Variants in PHF3 observed in about 807,000 individuals in gnomAD.
The protein encoded by PHF3 is PHD finger protein 3.
In PHF3, 41 loss-of-function variants were observed where a neutral mutation model predicts 178.4. That is an observed-to-expected ratio of 0.23 (90% CI 0.18 to 0.30). The LOEUF (loss-of-function observed/expected upper bound fraction) is 0.30, where lower values mean the gene tolerates loss of function less well. PHF3 is among the 10% of genes least tolerant of loss of function. PHF3 has a pLI of 1.00. For missense variants in PHF3, 2,346 were observed against 2,398.1 expected (o/e 0.98, Z 0.45); for synonymous variants, 842 against 800.5 (o/e 1.05, Z -0.88).
rs1217700033 is a variant in PHF3 at position 63,716,903 on chromosome 6, C to T, written c.*3195C>T. ...TATTTTCAGGTCAGCTGATGAGCAA[C>T]TTAAATTCCATCTGTGACCTTAATT... On this transcript the variant is annotated 3_prime_UTR_variant, in exon 16 of 16. Coordinates refer to ENST00000262043, the MANE Select transcript of PHF3 (RefSeq NM_001370348.2). Among the ~76,000 whole-genome samples, 2 of 152,030 alleles carry T rather than the reference C, an allele frequency of 1.3e-5. No individual in the cohort carries two copies. The highest frequency in any genetic ancestry group is 2.4e-5 in the African/African-American group (1 of 41,444).
At chr6:63,710,612 C>T (rs1437771662) in intron 14 of PHF3, among the ~76,000 whole-genome samples, 2 of 152,150 alleles carry the variant, frequency 1.3e-5, no homozygotes, top group African/African-American at 2.4e-5. Flanking sequence ...AGCCAAATTA[C>T]TTTACAAAAT....
Position 63,684,447 on chromosome 6 carries a change from A to G in PHF3, c.725A>G (p.Asn242Ser), listed in dbSNP as rs571309355. The G allele has an allele frequency of 1.5e-5, 24 of 1,613,998 alleles. No individual in the cohort carries two copies. In the African/African-American group the frequency reaches 3.2e-4, roughly 22 times the overall value. Residue 242 changes from asparagine (N) to serine (S), a missense_variant, in exon 4 of 16, where the codon AAT becomes AGT. This residue lies in a region of PHF3 where 843 missense variants were observed against 795.2 expected (regional missense o/e 1.06). Coordinates refer to ENST00000262043, the MANE Select transcript of PHF3 (RefSeq NM_001370348.2). ...DGLDSKHKCN[N>S]PGEIDVPSHE... ...TTAGATTCTAAGCATAAGTGTAATA[A>G]TCCGGGAGAAATAGATGTGCCATCT...
intron 2 of PHF3, among the ~76,000 whole-genome samples, chr6:63,662,849 A>G (rs1220866533): frequency 6.6e-6 from 1 of 152,204 alleles, no homozygotes; most frequent in Non-Finnish European, 1.5e-5. Context: ...AGCATAATTG[A>G]TGTCATTTCT....
intron 11 of PHF3, among the ~76,000 whole-genome samples, chr6:63,705,416 T>C (rs1767647796): frequency 6.6e-6 from 1 of 152,230 alleles, no homozygotes; most frequent in South Asian, 2.1e-4. Context: ...TGGACGATAC[T>C]GCCTGAGCTC....
At chr6:63,653,617 G>T (rs759943742) in intron 2 of PHF3, among the ~76,000 whole-genome samples, 3 of 151,994 alleles carry the variant, frequency 2.0e-5, no homozygotes, top group Non-Finnish European at 4.4e-5. Flanking sequence ...TTCCAATTTG[G>T]ATGTCCTTTA....
rs1274884825 is a variant in PHF3, at chr6:63,721,705, C to CT, written c.*8002dup. ...TGCCAAGTACTTCCGTTTATAGTTA[C>CT]TTTTTGGAGAGTTTCTAGAATGATA... On this transcript the variant is annotated 3_prime_UTR_variant, in exon 16 of 16. Coordinates refer to ENST00000262043, the MANE Select transcript of PHF3 (RefSeq NM_001370348.2). 1 of 1,551,264 alleles carries CT rather than the reference C, an allele frequency of 6.4e-7. No homozygotes were observed. Among genetic ancestry groups the CT allele is most frequent in the Non-Finnish European group, 8.7e-7 (1 of 1,146,730 alleles).
At chr6:63,702,946 C>T (rs145286290) in intron 10 of PHF3, among the ~76,000 whole-genome samples, 1,810 of 152,190 alleles carry the variant, frequency 0.012, 30 homozygotes, top group African/African-American at 0.042. Context: ...GGAGCAATCT[C>T]GGCTCACTGC....
intron 6 of PHF3, among the ~76,000 whole-genome samples, chr6:63,696,880 G>T (rs542786034): frequency 2.2e-4 from 34 of 152,306 alleles, no homozygotes; most frequent in African/African-American, 7.9e-4. Flanking sequence ...ACCAGTTGTA[G>T]TGGCTTATGA....
In PHF3 at chr6:63,693,665, C is replaced by T. The variant is rs543256348; in HGVS notation, c.2497-916C>T. On this transcript the variant is annotated intron_variant, in intron 5 of 15. Transcript: ENST00000262043. ...TTAACAATTTTAACATTTTGAGAACCTCTTTATCCAGTCTGTATCAGAAAA... is the reference window on the plus strand; with the variant it reads ...TTAACAATTTTAACATTTTGAGAACTTCTTTATCCAGTCTGTATCAGAAAA... Among the ~76,000 whole-genome samples, 23 of 152,256 alleles carry T rather than the reference C, an allele frequency of 1.5e-4. No individual in the cohort carries two copies. In the South Asian group the frequency reaches 4.6e-3, roughly 30 times the overall value.
intron 2 of PHF3, among the ~76,000 whole-genome samples, chr6:63,654,245 C>T (rs184211805): frequency 1.7e-3 from 263 of 152,176 alleles, no homozygotes; most frequent in Non-Finnish European, 3.1e-3. Flanking sequence ...GGGTCCTGGG[C>T]TTTTCTTTGA....
At position 63,707,231 on chromosome 6, in the gene PHF3, T is replaced by G. The variant is rs566178482; in HGVS notation, c.3711+355T>G. ...GTCTTTAATGTTAACACATTAAGAA[T>G]TTTTTGTTAAACAGATCTTCTGATT... On this transcript the variant is annotated intron_variant, in intron 13 of 15. Transcript: ENST00000262043. Among the ~76,000 whole-genome samples, 3 of 152,324 alleles carry G rather than the reference T, an allele frequency of 2.0e-5. No individual in the cohort carries two copies. The East Asian group carries it at 5.8e-4, about 29-fold the overall frequency.
chr6:63,694,608 G>A lies in PHF3; in HGVS notation c.2524G>A (p.Asp842Asn). The change falls in exon 6 of 16, where the codon GAC becomes AAC. Residue 842 changes from aspartate to asparagine, a missense_variant. By Grantham distance (23) the Asp-to-Asn change is conservative (BLOSUM62 1). Transcript: ENST00000262043. ...GTCTGGTGAAGGCAGAAATTCATCA[G>A]ACTGTAGAGATAATGAAATTAAAAA... Reference protein sequence around the residue: ...RESGEGRNSSDCRDNEIKKWQ... With the variant: ...RESGEGRNSSNCRDNEIKKWQ... The A allele has an allele frequency of 6.4e-7, 1 of 1,559,720 alleles. No homozygotes were observed. The highest frequency in any genetic ancestry group is 8.7e-7 in the Non-Finnish European group (1 of 1,151,876).
At chr6:63,671,809 C>T (rs184653873) in intron 2 of PHF3, among the ~76,000 whole-genome samples, 29 of 152,240 alleles carry the variant, frequency 1.9e-4, no homozygotes, top group Admixed American at 1.6e-3. Flanking sequence ...TGCAGTGGTG[C>T]GATCTCGGCT....
In PHF3 at chr6:63,713,652, A is replaced by C; in HGVS notation, c.6064A>C (p.Arg2022=). ...KSKHREGEKD[R]DRYHKDRDHT... ...TAAACACAGAGAAGGAGAAAAGGAC[A>C]GGGATAGGTACCACAAAGATAGGGA... Residue 2022 remains arginine, a synonymous_variant, in exon 16 of 16, where the codon AGG becomes CGG. Transcript: ENST00000262043. 1 of 1,607,146 alleles carries C rather than the reference A, an allele frequency of 6.2e-7. No homozygotes were observed.
At position 63,698,556 on chromosome 6, in the gene PHF3, A is replaced by G; in HGVS notation, c.2933A>G (p.Lys978Arg). ...TTTCGGGACACAGATGCTAAATATA[A>G]GAACAAATATAGAAGTTTGATGTTT... is the stretch of plus-strand genomic sequence containing the variant. ...SFFRDTDAKYKNKYRSLMFNL... is the reference protein window; with the variant it reads ...SFFRDTDAKYRNKYRSLMFNL... The change falls in exon 8 of 16, where the codon AAG becomes AGG. Residue 978 changes from lysine (K) to arginine (R), a missense_variant. This residue lies in a region of PHF3 where 45 missense variants were observed against 87.9 expected (regional missense o/e 0.51). Transcript: ENST00000262043. The G allele has an allele frequency of 6.3e-7, 1 of 1,591,940 alleles. No homozygotes were observed. The highest frequency in any genetic ancestry group is 8.5e-7 in the Non-Finnish European group (1 of 1,172,342).
In PHF3 at chr6:63,722,639, T is replaced by C. The variant is rs1195053412; in HGVS notation, c.*8931T>C. Among the ~76,000 whole-genome samples, 1 of 152,134 alleles carries C rather than the reference T, an allele frequency of 6.6e-6. No homozygotes were observed. The highest frequency in any genetic ancestry group is 2.4e-5 in the African/African-American group (1 of 41,432). ...TTATTAATAATGAACCACGCAGAAG[T>C]CTCCACGAAACATTTTCTTCTCCCT... On this transcript the variant is annotated 3_prime_UTR_variant, in exon 16 of 16. Transcript: ENST00000262043.
intron 5 of PHF3, among the ~76,000 whole-genome samples, chr6:63,692,331 T>C (rs1299423595): frequency 6.6e-6 from 1 of 150,672 alleles, no homozygotes; most frequent in East Asian, 2.0e-4. Context: ...GTGGATCTTG[T>C]GGCCATTAAG....
chr6:63,676,415 TA>T (rs1766167018), intron 2 of PHF3, among the ~76,000 whole-genome samples: 1 of 152,148 alleles, frequency 6.6e-6, no homozygotes, highest in African/African-American at 2.4e-5. Flanking sequence ...CTGTTTTGCA[TA>T]AGGTGGTTAG....
intron 2 of PHF3, among the ~76,000 whole-genome samples, chr6:63,679,444 T>A (rs1271458247): frequency 6.6e-6 from 1 of 151,500 alleles, no homozygotes; most frequent in Non-Finnish European, 1.5e-5. Flanking sequence ...AGTTACATTA[T>A]GTTTTTCATT....
Sources: gnomAD v4.1 joint callset for allele counts (sites outside exome capture counted in the v4.1 genomes callset) on GRCh38, gnomAD v4.1.1 for gene constraint, gnomAD v4.1.1 regional missense constraint, MANE v1.5 for transcripts, NCBI Gene and HGNC (gene_info 2026-07-23, HGNC 2026-07-21) for gene names.